The following HRH2 variants were observed in gnomAD, a reference collection of about 807,000 sequenced individuals.
The protein encoded by HRH2 is histamine receptor H2.
HRH2 carries 4 observed loss-of-function variants against 20.1 expected under a neutral mutation model. The observed-to-expected ratio is 0.20, with a 90% confidence interval of 0.10 to 0.45. HRH2 has a LOEUF of 0.45. Among genes scored for constraint, HRH2 ranks in the 20% least tolerant of loss-of-function variants. The pLI, the probability that HRH2 is intolerant of heterozygous loss-of-function variation, is 0.99. For synonymous variants in HRH2, 197 were observed against 200.7 expected, an observed-to-expected ratio of 0.98 and a Z score of 0.16; for missense variants, 250 against 461.6, an observed-to-expected ratio of 0.54 and a Z score of 4.20.
rs549021495 is a variant in HRH2 at position 175,691,884 on chromosome 5, G to GA, written c.1076+7585dup. ...ATCTCAAAAAAAAAAAGAAAAAAGA[G>GA]AAAAAAAAAAGGAGCACAGAAAGGT... On this transcript the variant is annotated intron_variant, in intron 2 of 2. Coordinates refer to ENST00000636584, the MANE Select transcript of HRH2 (RefSeq NM_001367711.1). 2.2e-3 allele frequency among the ~76,000 whole-genome samples: 318 copies of GA among 146,804 alleles called. 1 individual carries two copies. Among genetic ancestry groups the GA allele is most frequent in the South Asian group, 4.3e-3 (20 of 4,632 alleles).
At chr5:175,667,464 A>G (rs909153516) in intron 1 of HRH2, among the ~76,000 whole-genome samples, 2 of 124,982 alleles carry the variant, frequency 1.6e-5, no homozygotes, top group African/African-American at 6.0e-5. Flanking sequence ...CCCCCAAAAA[A>G]AGAAAAGGAA....
Position 175,693,026 on chromosome 5 carries a change from G to A in HRH2, c.1076+8717G>A, listed in dbSNP as rs1457289494. On this transcript the variant is annotated intron_variant, in intron 2 of 2. Transcript: ENST00000636584. The surrounding 1 kb of genome is among the most constrained non-coding windows in gnomAD (Gnocchi z 4.4). ...GCAGAGAGAGCCCCAGCCATGGGGA[G>A]AGGAGACCAGACCAGACTTTCTCAT... Among the ~76,000 whole-genome samples, 1 of 152,220 alleles carries A rather than the reference G, an allele frequency of 6.6e-6. No homozygotes were observed. The highest frequency in any genetic ancestry group is 1.5e-5 in the Non-Finnish European group (1 of 68,038).
At chr5:175,676,961 C>A (rs1257006580) in intron 1 of HRH2, among the ~76,000 whole-genome samples, 1 of 152,112 alleles carries the variant, frequency 6.6e-6, no homozygotes, top group African/African-American at 2.4e-5. Context: ...TGTCTGTATA[C>A]CACTGTTTCT....
intron 1 of HRH2, among the ~76,000 whole-genome samples, chr5:175,665,468 G>T (rs941474434): frequency 6.6e-6 from 1 of 152,162 alleles, no homozygotes; most frequent in Admixed American, 6.5e-5. Context: ...AAGATGGGAG[G>T]GGAAACTGAG....
chr5:175,671,833 G>C (rs983278528), intron 1 of HRH2, among the ~76,000 whole-genome samples: 5 of 152,156 alleles, frequency 3.3e-5, no homozygotes, highest in Non-Finnish European at 5.9e-5. Context: ...ACCTCCAAAA[G>C]AAAGAGGGTG....
intron 2 of HRH2, among the ~76,000 whole-genome samples, chr5:175,696,606 G>A (rs1337931648): frequency 6.6e-6 from 1 of 152,248 alleles, no homozygotes; most frequent in African/African-American, 2.4e-5. Flanking sequence ...ACACTCTTGC[G>A]GTTTTATTGC....
intron 1 of HRH2, among the ~76,000 whole-genome samples, chr5:175,670,409 T>C (rs182955146): frequency 3.6e-4 from 55 of 152,354 alleles, no homozygotes; most frequent in Non-Finnish European, 2.1e-4. Flanking sequence ...ATTCAGCCTG[T>C]GGCCATTGAT....
At chr5:175,707,065 T>G (rs754960514) in intron 2 of HRH2, among the ~76,000 whole-genome samples, 19 of 152,222 alleles carry the variant, frequency 1.2e-4, no homozygotes, top group Non-Finnish European at 2.5e-4. Context: ...GGGCTCCTAC[T>G]ACCAGACAGC....
At chr5:175,671,028 G>T (rs1039939281) in intron 1 of HRH2, among the ~76,000 whole-genome samples, 1 of 152,262 alleles carries the variant, frequency 6.6e-6, no homozygotes, top group Non-Finnish European at 1.5e-5. Flanking sequence ...TATGCTAAGT[G>T]CCATGTTGGA....
intron 1 of HRH2, among the ~76,000 whole-genome samples, chr5:175,676,260 C>A (rs1403600482): frequency 6.6e-6 from 1 of 152,256 alleles, no homozygotes; most frequent in Non-Finnish European, 1.5e-5. Flanking sequence ...CAAGAAAATG[C>A]TTCCTTCCAC....
Position 175,707,934 on chromosome 5 carries a change from A to C in HRH2, c.1232A>C (p.Gln411Pro), listed in dbSNP as rs1756997509. The C allele has an allele frequency of 7.5e-6, 3 of 399,014 alleles. No homozygotes were observed. Among genetic ancestry groups the C allele is most frequent in the Admixed American group, 8.8e-5 (2 of 22,720 alleles). 24.7% of individuals were successfully genotyped at this position (399,014 alleles called of 1,614,324 possible). A position where few individuals can be genotyped will look rare whatever the true frequency, so the allele number is the denominator to read the frequency against. ...LSEEPQKRPP[Q>P]KAVRTLPSEA... is the part of the protein sequence containing the mutation. Reference sequence around the variant, plus strand: ...GAGGAGCCACAGAAGAGACCTCCCCAGAAAGCGGTGAGGACGCTGCCCTCT... The same window carrying C: ...GAGGAGCCACAGAAGAGACCTCCCCCGAAAGCGGTGAGGACGCTGCCCTCT... Residue 411 changes from glutamine to proline, a missense_variant, in exon 3 of 3, where the codon CAG becomes CCG. Gln to Pro is a moderately conservative substitution (Grantham distance 76). Transcript: ENST00000636584.
intron 2 of HRH2, chr5:175,685,448 G>A: frequency 6.4e-7 from 1 of 1,551,688 alleles, no homozygotes; most frequent in Non-Finnish European, 8.7e-7. Flanking sequence ...CTGTGGAACT[G>A]ACCCATTCAT....
In HRH2 at chr5:175,687,027, T is replaced by C. The variant is rs922496447; in HGVS notation, c.1076+2718T>C. Among the ~76,000 whole-genome samples the C allele has an allele frequency of 6.6e-6, 1 of 152,030 alleles. No homozygotes were observed. The highest frequency in any genetic ancestry group is 1.5e-5 in the Non-Finnish European group (1 of 67,984). On this transcript the variant is annotated intron_variant, in intron 2 of 2. Transcript: ENST00000636584. The surrounding 1 kb of genome is among the most constrained non-coding windows in gnomAD (Gnocchi z 5.2). ...AGAGAGGTGGTGCCTCCCAGGGTCA[T>C]GCATGCAGCCGTGGAGGCAGGGCCA... is the stretch of plus-strand genomic sequence containing the variant.
chr5:175,696,810 G>A (rs192026570), intron 2 of HRH2, among the ~76,000 whole-genome samples: 3 of 151,406 alleles, frequency 2.0e-5, no homozygotes, highest in Admixed American at 1.3e-4. Flanking sequence ...TCTATAAGAC[G>A]GGGAGAATCT....
intron 1 of HRH2, among the ~76,000 whole-genome samples, chr5:175,678,873 G>A (rs754950585): frequency 1.3e-5 from 2 of 152,222 alleles, no homozygotes; most frequent in African/African-American, 2.4e-5. Flanking sequence ...CTCACTTCCC[G>A]CTGAAGAGGG....
Position 175,681,761 on chromosome 5 carries a change from C to G in HRH2, c.-525-948C>G, listed in dbSNP as rs1755983904. 6.6e-6 allele frequency among the ~76,000 whole-genome samples: 1 copy of G among 152,152 alleles called. No individual in the cohort carries two copies. Among genetic ancestry groups the G allele is most frequent in the African/African-American group, 2.4e-5 (1 of 41,450 alleles). ...GTGGGGATGATAGGATAAACCTATT[C>G]ATGGTGAGCCTCCCCACAGACTGTT... is the stretch of plus-strand genomic sequence containing the variant. On this transcript the variant is annotated intron_variant, in intron 1 of 2. Transcript: ENST00000636584. The surrounding 1 kb of genome is among the most constrained non-coding windows in gnomAD (Gnocchi z 4.3).
At chr5:175,706,433 T>C (rs1756942499) in intron 2 of HRH2, among the ~76,000 whole-genome samples, 1 of 152,228 alleles carries the variant, frequency 6.6e-6, no homozygotes, top group Admixed American at 6.5e-5. Flanking sequence ...ATTTCCAAAA[T>C]AGCATTATTT....
intron 1 of HRH2, among the ~76,000 whole-genome samples, chr5:175,669,206 T>G (rs1755424771): frequency 6.6e-6 from 1 of 152,120 alleles, no homozygotes; most frequent in African/African-American, 2.4e-5. Flanking sequence ...GAGAGAATGA[T>G]GAACCCCACA....
chr5:175,683,474 T>A lies in HRH2; in HGVS notation c.241T>A (p.Ser81Thr). 1 of 1,614,202 alleles carries A rather than the reference T, an allele frequency of 6.2e-7. No individual in the cohort carries two copies. The highest frequency in any genetic ancestry group is 2.2e-5 in the East Asian group (1 of 44,888). ...VLPFSAIYQLSCKWSFGKVFC... is the reference protein window; with the variant it reads ...VLPFSAIYQLTCKWSFGKVFC... ...GCCCTTCTCTGCCATCTACCAGCTG[T>A]CCTGCAAGTGGAGCTTTGGCAAGGT... Residue 81 changes from serine (S) to threonine (T), a missense_variant, in exon 2 of 3, where the codon TCC (serine) becomes ACC (threonine). By Grantham distance (58) the Ser-to-Thr change is moderately conservative. Transcript: ENST00000636584.
Sources: gnomAD v4.1 joint callset for allele counts (sites outside exome capture counted in the v4.1 genomes callset) on GRCh38, gnomAD v4.1.1 for gene constraint, Gnocchi (gnomAD v3.1) non-coding constraint, MANE v1.5 for transcripts, NCBI Gene and HGNC (gene_info 2026-07-23, HGNC 2026-07-21) for gene names.